TRPC1: variants seen among roughly 807,000 people sequenced by gnomAD.
TRPC1 encodes the protein short transient receptor potential channel 1.
TRPC1 carries 42 observed loss-of-function variants against 88.2 expected under a neutral mutation model. That is an observed-to-expected ratio of 0.48 (90% CI 0.37 to 0.62). The LOEUF is 0.62. Ranked by LOEUF, TRPC1 falls within the 20% of genes least tolerant of loss-of-function variation. The pLI, the probability that TRPC1 is intolerant of heterozygous loss-of-function variation, is 0.00. For missense variants in TRPC1, 699 were observed against 957.3 expected (o/e 0.73, Z 3.56); for synonymous variants, 288 against 331.8 (o/e 0.87, Z 1.43).
In TRPC1 at chr3:142,799,374, G is replaced by A. The variant is rs186622741; in HGVS notation, c.1582-2795G>A. Among the ~76,000 whole-genome samples the A allele has an allele frequency of 3.3e-5, 5 of 152,238 alleles. No individual in the cohort carries two copies. The East Asian group carries it at 5.8e-4, about 18-fold the overall frequency. On this transcript the variant is annotated intron_variant, in intron 9 of 12. Transcript: ENST00000476941. ...AATACATAAACCTTATAATCTCTCA[G>A]TCTAAAATAAATTTACTGTTTTTAA...
chr3:142,737,122 A>T (rs1055494910), intron 2 of TRPC1, among the ~76,000 whole-genome samples: 1 of 152,104 alleles, frequency 6.6e-6, no homozygotes, highest in Admixed American at 6.5e-5. Context: ...TAAGTCTTGA[A>T]TGAATTCAGT....
intron 2 of TRPC1, among the ~76,000 whole-genome samples, chr3:142,738,823 T>C (rs1456632269): frequency 6.6e-6 from 1 of 152,218 alleles, no homozygotes; most frequent in East Asian, 1.9e-4. Flanking sequence ...ATCAGTTGAC[T>C]CAGCCTTGAA....
intron 4 of TRPC1, among the ~76,000 whole-genome samples, chr3:142,765,583 CAATA>C (rs1399848239): frequency 6.6e-6 from 1 of 152,026 alleles, no homozygotes; most frequent in Non-Finnish European, 1.5e-5. Flanking sequence ...GCTTCCTGTT[CAATA>C]AATAGTCTTA....
chr3:142,779,607 T>C (rs920478338), intron 5 of TRPC1, among the ~76,000 whole-genome samples: 1 of 152,194 alleles, frequency 6.6e-6, no homozygotes, highest in African/African-American at 2.4e-5. Flanking sequence ...TAAAGAATGA[T>C]GAGAGAAATT....
Position 142,804,509 on chromosome 3 carries a change from T to C in TRPC1, c.2033T>C (p.Leu678Ser). ...WLSYFDDKCT[L>S]PPPFNIIPSP... ...AGCTACTTTGATGACAAATGTACGT[T>C]ACCTCCACCTTTCAACATCATTCCC... Residue 678 changes from leucine (L) to serine (S), a missense_variant, in exon 12 of 13, where the codon TTA (leucine) becomes TCA (serine). Leu to Ser is a moderately radical substitution (Grantham distance 145). Coordinates refer to ENST00000476941, the MANE Select transcript of TRPC1 (RefSeq NM_001251845.2). 6.2e-7 allele frequency: 1 copy of C among 1,613,864 alleles called. No homozygotes were observed. The highest frequency in any genetic ancestry group is 8.5e-7 in the Non-Finnish European group (1 of 1,179,874).
Position 142,785,650 on chromosome 3 carries a change from G to A in TRPC1, c.1297+610G>A, listed in dbSNP as rs548854332. On this transcript the variant is annotated intron_variant, in intron 7 of 12. Transcript: ENST00000476941. The stretch of plus-strand genomic sequence containing the variant: ...CCAGTAGCTGGGATTACAGGTGCGT[G>A]CCACCACACCTGGCTAATTTTTGTA... Among the ~76,000 whole-genome samples the A allele has an allele frequency of 9.7e-4, 148 of 152,120 alleles. 2 individuals are homozygous for A. The highest frequency in any genetic ancestry group is 1.2e-3 in the Admixed American group (18 of 15,270).
intron 1 of TRPC1, among the ~76,000 whole-genome samples, chr3:142,731,571 A>AT (rs1427026313): frequency 4.6e-5 from 7 of 151,200 alleles, no homozygotes; most frequent in African/African-American, 1.7e-4. Flanking sequence ...TTTTTAGTAG[A>AT]GGCGGGGTTT....
chr3:142,800,547 T>A (rs1936587205), intron 9 of TRPC1, among the ~76,000 whole-genome samples: 1 of 152,114 alleles, frequency 6.6e-6, no homozygotes, highest in Admixed American at 6.6e-5. Context: ...TATTTAAAGC[T>A]TGATGTAATT....
intron 1 of TRPC1, among the ~76,000 whole-genome samples, chr3:142,728,507 G>C (rs1211855909): frequency 6.6e-6 from 1 of 152,040 alleles, no homozygotes; most frequent in Non-Finnish European, 1.5e-5. Context: ...TTTTAGTAGA[G>C]ACAGGGTTTC....
intron 4 of TRPC1, among the ~76,000 whole-genome samples, chr3:142,760,623 G>T (rs549270417): frequency 6.6e-6 from 1 of 152,054 alleles, no homozygotes; most frequent in African/African-American, 2.4e-5. Context: ...GAAGAATGTC[G>T]TTGGTATTTT....
intron 4 of TRPC1, among the ~76,000 whole-genome samples, chr3:142,757,607 A>C (rs1444572397): frequency 1.3e-5 from 2 of 149,434 alleles, no homozygotes; most frequent in African/African-American, 4.9e-5. Flanking sequence ...ATAAGAACAC[A>C]TGGACACAGG....
rs1418245478 is a variant in TRPC1, at chr3:142,807,698, G to A, written c.*1463G>A. The A allele has an allele frequency of 6.6e-6, 1 of 152,002 alleles. No homozygotes were observed. The highest frequency in any genetic ancestry group is 1.9e-4 in the East Asian group (1 of 5,192). The allele number at this position is 152,002 out of a possible 1,614,324, so 9.4% of individuals were successfully genotyped here. A position where few individuals can be genotyped will look rare whatever the true frequency, so the allele number is the denominator to read the frequency against. Reference sequence around the variant, plus strand: ...TTGTAAAGTTATATATTTTGTCTACGATGGGATTATGCACTTCCCAATTGG... The same window carrying A: ...TTGTAAAGTTATATATTTTGTCTACAATGGGATTATGCACTTCCCAATTGG... On this transcript the variant is annotated 3_prime_UTR_variant, in exon 13 of 13. Coordinates refer to ENST00000476941, the MANE Select transcript of TRPC1 (RefSeq NM_001251845.2).
chr3:142,772,451 G>A (rs902284864), intron 4 of TRPC1, among the ~76,000 whole-genome samples: 3 of 152,016 alleles, frequency 2.0e-5, no homozygotes, highest in Non-Finnish European at 4.4e-5. Flanking sequence ...GTTGAGCCCT[G>A]TATTAGTTTT....
chr3:142,785,055 A>G lies in TRPC1; in HGVS notation c.1297+15A>G. 4 of 1,562,590 alleles carry G rather than the reference A, an allele frequency of 2.6e-6. No homozygotes were observed. Among genetic ancestry groups the G allele is most frequent in the Non-Finnish European group, 3.5e-6 (4 of 1,156,158 alleles). On this transcript the variant is annotated intron_variant, in intron 7 of 12. Coordinates refer to ENST00000476941, the MANE Select transcript of TRPC1 (RefSeq NM_001251845.2). ...GTGGATTATTGGTAAGTATCAAGTTAGTTTGAAAGGTTTTGTCTTTATTTA... is the reference window on the plus strand; with the variant it reads ...GTGGATTATTGGTAAGTATCAAGTTGGTTTGAAAGGTTTTGTCTTTATTTA...
At chr3:142,742,162 C>CA (rs79513736) in intron 2 of TRPC1, among the ~76,000 whole-genome samples, 59,177 of 129,664 alleles carry the variant, frequency 0.46, 11,991 homozygotes, top group African/African-American at 0.51. Flanking sequence ...GACTCTGTCT[C>CA]AAAAAAAAAA....
At chr3:142,804,840 C>G (rs551105147) in intron 12 of TRPC1, among the ~76,000 whole-genome samples, 4 of 152,044 alleles carry the variant, frequency 2.6e-5, no homozygotes, top group Middle Eastern at 3.2e-3. Flanking sequence ...GGTGCGGTGG[C>G]TCACGCTTGT....
intron 1 of TRPC1, among the ~76,000 whole-genome samples, chr3:142,728,753 T>C (rs1211344681): frequency 6.6e-6 from 1 of 152,250 alleles, no homozygotes; most frequent in Non-Finnish European, 1.5e-5. Flanking sequence ...AATATTAAGC[T>C]GCTGTTTTTT....
At chr3:142,794,655 G>A (rs1452381259) in intron 9 of TRPC1, among the ~76,000 whole-genome samples, 1 of 152,072 alleles carries the variant, frequency 6.6e-6, no homozygotes, top group East Asian at 1.9e-4. Context: ...GAAAATTCTG[G>A]AGATCTGCAG....
intron 1 of TRPC1, among the ~76,000 whole-genome samples, chr3:142,729,662 G>C (rs1308636996): frequency 6.6e-6 from 1 of 152,100 alleles, no homozygotes; most frequent in African/African-American, 2.4e-5. Flanking sequence ...AGGTATTATC[G>C]TAACCTAATA....
Sources: gnomAD v4.1 joint callset for allele counts (sites outside exome capture counted in the v4.1 genomes callset) on GRCh38, gnomAD v4.1.1 for gene constraint, MANE v1.5 for transcripts, NCBI Gene and HGNC (gene_info 2026-07-23, HGNC 2026-07-21) for gene names.